SH3BGRL2: variants seen among roughly 807,000 people sequenced by gnomAD.
The protein encoded by SH3BGRL2 is SH3 domain-binding glutamic acid-rich-like protein 2.
Under a neutral mutation model 14.8 loss-of-function variants are expected in SH3BGRL2, and 21 were observed. The ratio of observed to expected loss-of-function variants is 1.42; its 90% CI spans 1.01 to 2.05. SH3BGRL2 has a LOEUF of 2.05. Ranked by LOEUF, SH3BGRL2 falls within the 30% of genes most tolerant of loss-of-function variation. The pLI, the probability that SH3BGRL2 is intolerant of heterozygous loss-of-function variation, is 0.00. For synonymous variants in SH3BGRL2, 50 were observed against 47.8 expected, an observed-to-expected ratio of 1.05 and a Z score of -0.19; for missense variants, 147 against 130.8, an observed-to-expected ratio of 1.12 and a Z score of -0.61.
chr6:79,618,973 C>T, the SH3BGRL2 span, among the ~76,000 whole-genome samples: 15 of 146,688 alleles, frequency 1.0e-4, no homozygotes, highest in South Asian at 1.1e-3. Context: ...GAAAGTCACC[C>T]GTGTGTAATG....
chr6:79,658,771 C>T (rs764344345), intron 1 of SH3BGRL2, among the ~76,000 whole-genome samples: 7 of 152,150 alleles, frequency 4.6e-5, no homozygotes, highest in Non-Finnish European at 8.8e-5. Context: ...AGTGTAAAAG[C>T]GTTCCTATTT....
the SH3BGRL2 span, among the ~76,000 whole-genome samples, chr6:79,557,585 G>A: frequency 6.6e-6 from 1 of 152,122 alleles, no homozygotes; most frequent in Non-Finnish European, 1.5e-5. Flanking sequence ...ATTCCACTAG[G>A]AATGTTCCCA....
intron 1 of SH3BGRL2, among the ~76,000 whole-genome samples, chr6:79,636,990 C>T (rs993584300): frequency 2.0e-5 from 3 of 152,126 alleles, no homozygotes; most frequent in Admixed American, 6.5e-5. Flanking sequence ...TAACTCAACA[C>T]ATAATAGCAT....
chr6:79,662,492 G>C (rs1769571972), intron 1 of SH3BGRL2, among the ~76,000 whole-genome samples: 1 of 152,218 alleles, frequency 6.6e-6, no homozygotes, highest in African/African-American at 2.4e-5. Flanking sequence ...CATCCGACTT[G>C]TAAGGTTTCT....
intron 2 of SH3BGRL2, among the ~76,000 whole-genome samples, chr6:79,677,639 C>A (rs1173786610): frequency 6.6e-6 from 1 of 152,146 alleles, no homozygotes; most frequent in Admixed American, 6.6e-5. Flanking sequence ...AGGGAAATTC[C>A]TTCTGTTTTC....
At chr6:79,562,402 TAAAC>T in the SH3BGRL2 span, among the ~76,000 whole-genome samples, 23 of 152,316 alleles carry the variant, frequency 1.5e-4, no homozygotes, top group African/African-American at 4.8e-4. Context: ...TAGTAACTAT[TAAAC>T]AAATTGGTCC....
chr6:79,591,200 A>G, the SH3BGRL2 span, among the ~76,000 whole-genome samples: 4 of 152,194 alleles, frequency 2.6e-5, no homozygotes, highest in Admixed American at 6.5e-5. Flanking sequence ...CAACTAAACT[A>G]CCTTGTAAGA....
intron 1 of SH3BGRL2, among the ~76,000 whole-genome samples, chr6:79,642,340 A>G (rs946292139): frequency 3.9e-5 from 6 of 152,226 alleles, no homozygotes; most frequent in African/African-American, 1.4e-4. Context: ...ATATGCAAAT[A>G]CTATACGACT....
intron 1 of SH3BGRL2, among the ~76,000 whole-genome samples, chr6:79,641,150 TTGTGTGTGTGTGTGTGTGTG>T (rs373404859): frequency 4.2e-5 from 6 of 141,312 alleles, no homozygotes; most frequent in Admixed American, 1.4e-4. Context: ...TCTCACCCTT[TTGTGTGTGTGTGTGTGTGTG>T]TGTGTGTGTG....
the SH3BGRL2 span, among the ~76,000 whole-genome samples, chr6:79,583,999 C>G: frequency 5.9e-5 from 9 of 152,150 alleles, no homozygotes; most frequent in African/African-American, 1.9e-4. Context: ...TTCAGAGATA[C>G]AAGAGACATT....
intron 1 of SH3BGRL2, among the ~76,000 whole-genome samples, chr6:79,636,297 TGA>T (rs1422542031): frequency 1.3e-5 from 2 of 152,100 alleles, no homozygotes; most frequent in African/African-American, 4.8e-5. Context: ...CCTGGGGGAA[TGA>T]GAGTATCAGA....
chr6:79,681,448 TC>T (rs1363638556), intron 2 of SH3BGRL2, among the ~76,000 whole-genome samples: 2 of 152,102 alleles, frequency 1.3e-5, no homozygotes, highest in African/African-American at 4.8e-5. Flanking sequence ...CTGCCTGCAT[TC>T]CCCCATATTG....
At chr6:79,696,628 G>A in intron 3 of SH3BGRL2, 63 bp downstream of exon 3, 1 of 1,241,318 alleles carries the variant, frequency 8.1e-7, no homozygotes, top group Non-Finnish European at 1.1e-6. Context: ...TCTTAGAGAT[G>A]TAGAGTGACG....
the SH3BGRL2 span, among the ~76,000 whole-genome samples, chr6:79,587,644 G>T: frequency 6.6e-6 from 1 of 152,042 alleles, no homozygotes; most frequent in Non-Finnish European, 1.5e-5. Context: ...ACCATTGTAG[G>T]GCAGGAAAGA....
chr6:79,703,073 C>G lies in SH3BGRL2; in HGVS notation c.*3564C>G, dbSNP rs1286779499. The G allele has an allele frequency of 1.3e-5, 2 of 152,190 alleles. No homozygotes were observed. Among genetic ancestry groups the G allele is most frequent in the Non-Finnish European group, 2.9e-5 (2 of 68,034 alleles). The allele number at this position is 152,190 out of a possible 1,614,324, so 9.4% of individuals were successfully genotyped here. A position where few individuals can be genotyped will look rare whatever the true frequency, so the allele number is the denominator to read the frequency against. On this transcript the variant is annotated 3_prime_UTR_variant, in exon 4 of 4. Coordinates refer to ENST00000369838, the MANE Select transcript of SH3BGRL2 (RefSeq NM_031469.4). Reference sequence around the variant, plus strand: ...CAGAAATGTGTGAAACCAAAATGATCACTGCCTACTTGTGATTCAAATCTT... The same window carrying G: ...CAGAAATGTGTGAAACCAAAATGATGACTGCCTACTTGTGATTCAAATCTT...
the SH3BGRL2 span, among the ~76,000 whole-genome samples, chr6:79,598,603 G>C: frequency 6.6e-6 from 1 of 152,078 alleles, no homozygotes; most frequent in East Asian, 1.9e-4. Flanking sequence ...ACTTGAGGGG[G>C]ACTGAGAAAT....
the SH3BGRL2 span, among the ~76,000 whole-genome samples, chr6:79,546,124 A>T: frequency 1.3e-5 from 2 of 152,186 alleles, no homozygotes. Context: ...TCTTGGTCTA[A>T]TCCCTAACAC....
chr6:79,642,672 A>T (rs1769055451), intron 1 of SH3BGRL2, among the ~76,000 whole-genome samples: 1 of 152,158 alleles, frequency 6.6e-6, no homozygotes, highest in East Asian at 1.9e-4. Flanking sequence ...TGTCTTTCAG[A>T]TTCTTGTAAC....
At chr6:79,680,493 T>C (rs1226817161) in intron 2 of SH3BGRL2, among the ~76,000 whole-genome samples, 1 of 152,232 alleles carries the variant, frequency 6.6e-6, no homozygotes, top group Non-Finnish European at 1.5e-5. Flanking sequence ...GTAATATGTT[T>C]TGAAATCAGA....
Sources: allele counts gnomAD v4.1 joint callset (sites outside exome capture counted in the v4.1 genomes callset), GRCh38; gene constraint gnomAD v4.1.1; transcripts MANE v1.5; gene names NCBI Gene and HGNC (gene_info 2026-07-23, HGNC 2026-07-21).